Variants in RERE observed in about 807,000 individuals in gnomAD.
RERE encodes arginine-glutamic acid dipeptide repeats protein.
Under a neutral mutation model 146.1 loss-of-function variants are expected in RERE, and 40 were observed. The observed-to-expected ratio is 0.27, with a 90% CI of 0.21 to 0.36. The LOEUF is 0.36. Among genes scored for constraint, RERE ranks in the 10% least tolerant of loss-of-function variants. The probability of loss-of-function intolerance (pLI) is 1.00; values close to 1 mark genes in which losing one functional copy is unlikely to be tolerated. For synonymous variants in RERE, 1,003 were observed against 866.0 expected, an observed-to-expected ratio of 1.16 and a Z score of -2.78; for missense variants, 1,933 against 2,138.7, an observed-to-expected ratio of 0.90 and a Z score of 1.90.
At chr1:8,443,459 G>GAAAAAAAAAAAAAA (rs144499944) in intron 11 of RERE, among the ~76,000 whole-genome samples, 4 of 112,772 alleles carry the variant, frequency 3.5e-5, no homozygotes, top group African/African-American at 6.6e-5. Context: ...CTCAAAAAAA[G>GAAAAAAAAAAAAAA]AAAAAAAAAA....
chr1:8,705,607 T>C (rs921963719), intron 1 of RERE, among the ~76,000 whole-genome samples: 1 of 152,196 alleles, frequency 6.6e-6, no homozygotes, highest in Non-Finnish European at 1.5e-5. Context: ...TGATTTTTTT[T>C]AACACTCATA....
chr1:8,422,377 G>C (rs1258495261), intron 12 of RERE, among the ~76,000 whole-genome samples: 1 of 152,142 alleles, frequency 6.6e-6, no homozygotes, highest in Non-Finnish European at 1.5e-5. Context: ...ATTCAAACTA[G>C]TGATAAAATG....
intron 6 of RERE, among the ~76,000 whole-genome samples, chr1:8,548,130 GA>G (rs1186887902): frequency 6.6e-6 from 1 of 152,110 alleles, no homozygotes; most frequent in Non-Finnish European, 1.5e-5. Context: ...CTTCATATAA[GA>G]AAGACGGGGT....
At chr1:8,595,292 A>G (rs993830858) in intron 4 of RERE, among the ~76,000 whole-genome samples, 3 of 152,050 alleles carry the variant, frequency 2.0e-5, no homozygotes, top group African/African-American at 7.2e-5. Flanking sequence ...AAAAAATGCT[A>G]AAGCATTTGT....
At chr1:8,451,417 G>C (rs1446308605) in intron 11 of RERE, among the ~76,000 whole-genome samples, 1 of 146,152 alleles carries the variant, frequency 6.8e-6, no homozygotes, top group East Asian at 2.1e-4. Flanking sequence ...GGGTGACAGA[G>C]CAAAATTCCA....
rs76170264 is a variant in RERE, at chr1:8,644,511, C to T, written c.325+11462G>A. 8.0e-3 allele frequency among the ~76,000 whole-genome samples: 1,219 copies of T among 152,310 alleles called. 13 individuals are homozygous for T. The highest frequency in any genetic ancestry group is 0.028 in the African/African-American group (1,164 of 41,548). The stretch of plus-strand genomic sequence containing the variant: ...CTTTGTGTTATGTGATCAATGTACA[C>T]CACCTTGCATCAAAAAACTTTTCAT... On this transcript the variant is annotated intron_variant, in intron 2 of 22. Transcript: ENST00000400908.
Position 8,360,800 on chromosome 1 carries a change from A to T in RERE, c.2707T>A (p.Ser903Thr). 1 of 1,579,276 alleles carries T rather than the reference A, an allele frequency of 6.3e-7. No individual in the cohort carries two copies. Among genetic ancestry groups the T allele is most frequent in the Non-Finnish European group, 8.6e-7 (1 of 1,168,488 alleles). The change falls in exon 18 of 23, where the codon TCT becomes ACT. Residue 903 changes from serine (S) to threonine (T), a missense_variant. Ser to Thr is a moderately conservative substitution (Grantham distance 58, BLOSUM62 1). Around this residue, in one of 11 missense-constraint regions of RERE, gnomAD observed 1,255 missense variants for 1,153.8 expected, o/e 1.09. Coordinates refer to ENST00000400908, the MANE Select transcript of RERE (RefSeq NM_001042681.2). ...YPHTSLQLPA[S>T]QSALQSQQPP... is the part of the protein sequence containing the mutation. ...TGTTGGGACTGCAGCGCTGACTGAGAGGCTGGCAGCTGCAGGGAGGTGTGA... is the reference window on the plus strand; with the variant it reads ...TGTTGGGACTGCAGCGCTGACTGAGTGGCTGGCAGCTGCAGGGAGGTGTGA...
chr1:8,630,949 C>A (rs554720585), intron 2 of RERE, among the ~76,000 whole-genome samples: 1 of 152,308 alleles, frequency 6.6e-6, no homozygotes, highest in East Asian at 1.9e-4. Context: ...ATAATAATTA[C>A]ATTCCATGTA....
At chr1:8,728,102 C>T (rs1474177719) in intron 1 of RERE, among the ~76,000 whole-genome samples, 1 of 152,220 alleles carries the variant, frequency 6.6e-6, no homozygotes, top group Non-Finnish European at 1.5e-5. Flanking sequence ...TGCCTTTTCT[C>T]TTGCCAGGCA....
chr1:8,762,594 C>G (rs775478916), intron 1 of RERE, among the ~76,000 whole-genome samples: 1 of 152,116 alleles, frequency 6.6e-6, no homozygotes, highest in Non-Finnish European at 1.5e-5. Flanking sequence ...AGGTCAGGCA[C>G]CATCTAACTC....
At position 8,361,820 on chromosome 1, in the gene RERE, C is replaced by T. The variant is rs754595773; in HGVS notation, c.1959G>A (p.Lys653=). ...CAGCCTCCTCCGTATCAGAGGCCAC[C>T]TTCTCCCGCTGGCGTTTGTTACTCT... ...PLKSNKRQRE[K]VASDTEEADR... The change falls in exon 17 of 23, where the codon AAG becomes AAA. Residue 653 remains lysine, a synonymous_variant. Coordinates refer to ENST00000400908, the MANE Select transcript of RERE (RefSeq NM_001042681.2). 2 of 1,614,130 alleles carry T rather than the reference C, an allele frequency of 1.2e-6. No individual in the cohort carries two copies. Among genetic ancestry groups the T allele is most frequent in the East Asian group, 2.2e-5 (1 of 44,888 alleles).
chr1:8,522,548 G>A lies in RERE; in HGVS notation c.831-13873C>T, dbSNP rs114267504. On this transcript the variant is annotated intron_variant, in intron 7 of 22. Transcript: ENST00000400908. ...ATTCATAAATTAACACAGTAGCCAC[G>A]AGTCAAGGAAGAAGTGAAAAGAAGA... 5.0e-3 allele frequency among the ~76,000 whole-genome samples: 758 copies of A among 152,250 alleles called. 4 individuals are homozygous for A. Among genetic ancestry groups the A allele is most frequent in the African/African-American group, 0.018 (736 of 41,560 alleles).
intron 10 of RERE, among the ~76,000 whole-genome samples, chr1:8,485,705 T>C (rs556698243): frequency 1.2e-4 from 19 of 152,104 alleles, no homozygotes; most frequent in African/African-American, 4.6e-4. Context: ...GACACAAATA[T>C]TTTAAGTGTT....
chr1:8,489,516 AAACT>A (rs1304012243), intron 10 of RERE, among the ~76,000 whole-genome samples: 1 of 152,118 alleles, frequency 6.6e-6, no homozygotes, highest in Non-Finnish European at 1.5e-5. Context: ...TTAAGTAAAC[AAACT>A]ATTTGAACAG....
chr1:8,359,674 A>C, intron 19 of RERE, 90 bp downstream of exon 19: 1 of 1,408,748 alleles, frequency 7.1e-7, no homozygotes, highest in Non-Finnish European at 9.8e-7. Flanking sequence ...CGAGTCAGGC[A>C]GCCAAGGGCA....
At chr1:8,780,187 T>C (rs746536275) in intron 1 of RERE, among the ~76,000 whole-genome samples, 8 of 152,202 alleles carry the variant, frequency 5.3e-5, no homozygotes, top group African/African-American at 7.2e-5. Flanking sequence ...GACCTGTACC[T>C]TGGGGTAAAG....
rs147489044 is a variant in RERE at position 8,785,603 on chromosome 1, T to C, written c.-145+31557A>G. Reference sequence around the variant, plus strand: ...TTGAAGACAAAGGCATTTTAAACTCTAATTAACTCATAATTTGCCTTGAGC... The same window carrying C: ...TTGAAGACAAAGGCATTTTAAACTCCAATTAACTCATAATTTGCCTTGAGC... On this transcript the variant is annotated intron_variant, in intron 1 of 22. Transcript: ENST00000400908. 1.7e-3 allele frequency among the ~76,000 whole-genome samples: 262 copies of C among 152,344 alleles called. 3 individuals are homozygous for C. Among genetic ancestry groups the C allele is most frequent in the South Asian group, 0.015 (72 of 4,828 alleles).
intron 12 of RERE, among the ~76,000 whole-genome samples, chr1:8,407,130 C>T (rs754280504): frequency 6.6e-6 from 1 of 152,240 alleles, no homozygotes; most frequent in Admixed American, 6.5e-5. Flanking sequence ...CAGGCTCTCT[C>T]AGTGGCCAAC....
chr1:8,537,398 T>C (rs1180248375), intron 7 of RERE, among the ~76,000 whole-genome samples: 1 of 152,250 alleles, frequency 6.6e-6, no homozygotes, highest in East Asian at 1.9e-4. Context: ...TTCCATCATA[T>C]TAGTATTTTT....
Sources: allele counts gnomAD v4.1 joint callset (sites outside exome capture counted in the v4.1 genomes callset), GRCh38; gene constraint gnomAD v4.1.1; regional missense constraint gnomAD v4.1.1; transcripts MANE v1.5; gene names NCBI Gene and HGNC (gene_info 2026-07-23, HGNC 2026-07-21).